The following GAS2L2 variants were observed in gnomAD, a reference collection of about 807,000 sequenced individuals.
GAS2L2 encodes the protein GAS2-like protein 2.
In GAS2L2, 21 loss-of-function variants were observed where a neutral mutation model predicts 35.2. The ratio of observed to expected loss-of-function variants is 0.60; its 90% CI spans 0.42 to 0.86. GAS2L2 has a LOEUF of 0.86. GAS2L2 is among the 40% of genes least tolerant of loss of function. The probability of loss-of-function intolerance (pLI) is 0.00; values close to 1 mark genes in which losing one functional copy is unlikely to be tolerated. For synonymous variants in GAS2L2, 490 were observed against 473.2 expected, an observed-to-expected ratio of 1.04 and a Z score of -0.46; for missense variants, 1,169 against 1,144.4, an observed-to-expected ratio of 1.02 and a Z score of -0.31.
Position 35,745,939 on chromosome 17 carries a change from G to C in GAS2L2, c.1558C>G (p.Pro520Ala), listed in dbSNP as rs140293881. The C allele has an allele frequency of 6.2e-7, 1 of 1,610,380 alleles. No homozygotes were observed. The highest frequency in any genetic ancestry group is 8.5e-7 in the Non-Finnish European group (1 of 1,177,876). Residue 520 changes from proline (P) to alanine (A), a missense_variant, in exon 6 of 6, where the codon CCT becomes GCT. Pro to Ala is a conservative substitution (Grantham distance 27, BLOSUM62 -1). Coordinates refer to ENST00000604641, the MANE Select transcript of GAS2L2 (RefSeq NM_139285.4). The part of the protein sequence containing the change: ...ARPPTPGRSF[P>A]GATSGSPRTE... ...CTGGGACTTCCACTTGTAGCACCAG[G>C]AAAGCTCCTTCCTGGTGTTGGGGGG...
Position 35,745,397 on chromosome 17 carries a change from C to T in GAS2L2, c.2100G>A (p.Gln700=). ...GGCTTGCCTTTGTCCTGGGCCCACTCTGTCTGGCTCCCAACTTCCCTTTGA... is the reference window on the plus strand; with the variant it reads ...GGCTTGCCTTTGTCCTGGGCCCACTTTGTCTGGCTCCCAACTTCCCTTTGA... ...GSLKGKLGAR[Q]SGPRTKASLS... The change falls in exon 6 of 6, where the codon CAG becomes CAA. Residue 700 remains glutamine, a synonymous_variant. Transcript: ENST00000604641. 6.3e-7 allele frequency: 1 copy of T among 1,576,300 alleles called. No homozygotes were observed. The highest frequency in any genetic ancestry group is 8.6e-7 in the Non-Finnish European group (1 of 1,160,542).
chr17:35,750,411 T>A, intron 1 of GAS2L2, 93 bp from the exon 2 acceptor site: 1 of 1,523,954 alleles, frequency 6.6e-7, no homozygotes, highest in Non-Finnish European at 9.0e-7. Flanking sequence ...AGGAAAGCAC[T>A]GGGGTCATCC....
In GAS2L2 at chr17:35,744,854, T is replaced by C. The variant is rs1232696236; in HGVS notation, c.2643A>G (p.Ter881TrpextTer3). 1.9e-6 allele frequency: 3 copies of C among 1,575,386 alleles called. No homozygotes were observed. The African/African-American group carries it at 4.1e-5, about 21-fold the overall frequency. The change falls in exon 6 of 6, where the codon TGA (stop) becomes TGG (tryptophan). Residue 881 changes from the stop codon to tryptophan, a stop_lost. Transcript: ENST00000604641. ...CTCCTACCCAACACGCTCATGTGCCTCAGACCCAGGACTCCTCCTCAGGTG... is the reference window on the plus strand; with the variant it reads ...CTCCTACCCAACACGCTCATGTGCCCCAGACCCAGGACTCCTCCTCAGGTG... ...PLPPEEESWV* is the reference protein window; with the variant it reads ...PLPPEEESWVW
In GAS2L2 at chr17:35,746,093, CAGGCACT is replaced by C. The variant is rs781883600; in HGVS notation, c.1397_1403del (p.Glu466GlyfsTer33). Reference sequence around the variant, plus strand: ...CATCCCGGAGTGGCAGCCTGAGGCCCAGGCACTCGGCTGGGCCAAAGGAACGAGGCAG... The same window carrying C: ...CATCCCGGAGTGGCAGCCTGAGGCCCCGGCTGGGCCAAAGGAACGAGGCAG... On this transcript the variant is annotated frameshift_variant, in exon 6 of 6. Coordinates refer to ENST00000604641, the MANE Select transcript of GAS2L2 (RefSeq NM_139285.4). LOFTEE classifies it low-confidence loss of function (END_TRUNC). 5.3e-6 allele frequency: 8 copies of C among 1,517,586 alleles called. No homozygotes were observed. Among genetic ancestry groups the C allele is most frequent in the Non-Finnish European group, 7.1e-6 (8 of 1,133,500 alleles). 94.0% of individuals were successfully genotyped at this position (1,517,586 alleles called of 1,614,324 possible).
rs587726526 is a variant in GAS2L2 at position 35,752,737 on chromosome 17, C to G, written c.114G>C (p.Leu38=). ...EQYLEAMKED[L]AEWLRDLYGL... ...CATAGAGGTCGCGAAGCCACTCAGCCAGGTCTTCCTTCATGGCCTCCAGGT... is the reference window on the plus strand; with the variant it reads ...CATAGAGGTCGCGAAGCCACTCAGCGAGGTCTTCCTTCATGGCCTCCAGGT... Residue 38 remains leucine (L), a synonymous_variant, in exon 1 of 6, where the codon CTG becomes CTC. Transcript: ENST00000604641. 6.2e-7 allele frequency: 1 copy of G among 1,614,016 alleles called. No individual in the cohort carries two copies. Among genetic ancestry groups the G allele is most frequent in the Admixed American group, 1.7e-5 (1 of 60,030 alleles).
chr17:35,745,237 A>G lies in GAS2L2; in HGVS notation c.2260T>C (p.Cys754Arg). The change falls in exon 6 of 6, where the codon TGT becomes CGT. Residue 754 changes from cysteine to arginine, a missense_variant. Physicochemically the swap from Cys to Arg is radical, Grantham distance 180. Coordinates refer to ENST00000604641, the MANE Select transcript of GAS2L2 (RefSeq NM_139285.4). ...LDPNSDKAKA[C>R]LSKGRRTLRK... ...AGAGTTCTCCTGCCCTTGCTCAGAC[A>G]TGCCTTGGCTTTGTCAGAGTTGGGG... The G allele has an allele frequency of 3.7e-6, 6 of 1,605,862 alleles. No individual in the cohort carries two copies. The highest frequency in any genetic ancestry group is 5.1e-6 in the Non-Finnish European group (6 of 1,174,854).
In GAS2L2 at chr17:35,745,581, C is replaced by A. The variant is rs1555598790; in HGVS notation, c.1916G>T (p.Arg639Met). 1 of 1,613,884 alleles carries A rather than the reference C, an allele frequency of 6.2e-7. No homozygotes were observed. Among genetic ancestry groups the A allele is most frequent in the Admixed American group, 1.7e-5 (1 of 60,034 alleles). Residue 639 changes from arginine (R) to methionine (M), a missense_variant, in exon 6 of 6, where the codon AGG becomes ATG. Arg to Met is a moderately conservative substitution (Grantham distance 91). Coordinates refer to ENST00000604641, the MANE Select transcript of GAS2L2 (RefSeq NM_139285.4). ...AGGCTCAGGCCACTGCCCAGCCAGC[C>A]TGGGGATGTAGACCCCACTGCGAGG... ...VIPRSGVYIPRLAGQWPEPGG... is the reference protein window; with the variant it reads ...VIPRSGVYIPMLAGQWPEPGG...
Position 35,749,493 on chromosome 17 carries a change from T to A in GAS2L2, c.628-276A>T, listed in dbSNP as rs587749765. On this transcript the variant is annotated intron_variant, in intron 2 of 5. Coordinates refer to ENST00000604641, the MANE Select transcript of GAS2L2 (RefSeq NM_139285.4). ...CTGACAGGCTCAGGTCAGTGCCCTG[T>A]ATCCACTGCATCATAGGCTTTTCAT... is the stretch of plus-strand genomic sequence containing the variant. Among the ~76,000 whole-genome samples, 4 of 152,334 alleles carry A rather than the reference T, an allele frequency of 2.6e-5. No individual in the cohort carries two copies. In the South Asian group the frequency reaches 8.3e-4, roughly 32 times the overall value.
intron 5 of GAS2L2, among the ~76,000 whole-genome samples, 154 bp from the exon 6 acceptor site, chr17:35,746,565 C>T (rs909116845): frequency 6.6e-6 from 1 of 152,162 alleles, no homozygotes; most frequent in African/African-American, 2.4e-5. Context: ...GCTCCCTCTC[C>T]TCCGTGACTG....
At chr17:35,749,618 T>C (rs937535220) in intron 2 of GAS2L2, among the ~76,000 whole-genome samples, 2 of 152,200 alleles carry the variant, frequency 1.3e-5, no homozygotes, top group Non-Finnish European at 2.9e-5. Flanking sequence ...AAACACTTTG[T>C]ATGTGCTGGC....
chr17:35,748,804 G>A (rs968808239), intron 3 of GAS2L2, among the ~76,000 whole-genome samples: 3 of 152,212 alleles, frequency 2.0e-5, no homozygotes, highest in Non-Finnish European at 4.4e-5. Flanking sequence ...TTAGGCTACA[G>A]TGGAGGAGAG....
intron 4 of GAS2L2, 118 bp from the exon 5 acceptor site, chr17:35,747,386 C>T: frequency 8.5e-7 from 1 of 1,181,456 alleles, no homozygotes; most frequent in South Asian, 1.6e-5. Flanking sequence ...AACAGTGGGA[C>T]CTACAGTGGC....
rs2143021214 is a variant in GAS2L2, at chr17:35,744,853, C to G, written c.*1G>C. On this transcript the variant is annotated 3_prime_UTR_variant, in exon 6 of 6. Transcript: ENST00000604641. The stretch of plus-strand genomic sequence containing the variant: ...CCTCCTACCCAACACGCTCATGTGC[C>G]TCAGACCCAGGACTCCTCCTCAGGT... 1 of 1,574,576 alleles carries G rather than the reference C, an allele frequency of 6.4e-7. No individual in the cohort carries two copies. The highest frequency in any genetic ancestry group is 1.7e-4 in the Middle Eastern group (1 of 6,006).
chr17:35,744,749 C>T lies in GAS2L2; in HGVS notation c.*105G>A. 1 of 879,742 alleles carries T rather than the reference C, an allele frequency of 1.1e-6. No individual in the cohort carries two copies. Among genetic ancestry groups the T allele is most frequent in the Non-Finnish European group, 1.7e-6 (1 of 573,208 alleles). 54.5% of individuals were successfully genotyped at this position (879,742 alleles called of 1,614,324 possible). ...CTTCTGACCCACTCCTGCCCAAGGCCCTGTGTGGAGGTGAGGGAACATCCC... is the reference window on the plus strand; with the variant it reads ...CTTCTGACCCACTCCTGCCCAAGGCTCTGTGTGGAGGTGAGGGAACATCCC... On this transcript the variant is annotated 3_prime_UTR_variant, in exon 6 of 6. Coordinates refer to ENST00000604641, the MANE Select transcript of GAS2L2 (RefSeq NM_139285.4).
At position 35,752,881 on chromosome 17, in the gene GAS2L2, A is replaced by T. The variant is rs1598397471; in HGVS notation, c.-31T>A. ...GACCCCAGCAGGGCAGGAGGTGGGC[A>T]CCTCCCCTCTCCCACTGCCGCCTCT... On this transcript the variant is annotated 5_prime_UTR_variant, in exon 1 of 6. Coordinates refer to ENST00000604641, the MANE Select transcript of GAS2L2 (RefSeq NM_139285.4). 1 of 1,536,674 alleles carries T rather than the reference A, an allele frequency of 6.5e-7. No homozygotes were observed. Among genetic ancestry groups the T allele is most frequent in the Admixed American group, 1.8e-5 (1 of 54,736 alleles).
At chr17:35,747,298 G>A in intron 4 of GAS2L2, 30 bp from the exon 5 acceptor site, 1 of 1,582,424 alleles carries the variant, frequency 6.3e-7, no homozygotes, top group Non-Finnish European at 8.6e-7. Flanking sequence ...GAAAGGAGAG[G>A]AGAGAAGGGT....
rs1447257585 is a variant in GAS2L2, at chr17:35,747,853, G to A, written c.828C>T (p.Ser276=). The stretch of plus-strand genomic sequence containing the variant: ...GAGGGCCCTCAGGGGACTCACAGAG[G>A]GATGTGCAGCGGCAGGGGTCATGTT... ...LDKHDPCRCT[S]LSHKPGSFLK... The change falls in exon 4 of 6, where the codon TCC becomes TCT. Residue 276 remains serine (S), a synonymous_variant. Coordinates refer to ENST00000604641, the MANE Select transcript of GAS2L2 (RefSeq NM_139285.4). 1.9e-6 allele frequency: 3 copies of A among 1,613,676 alleles called. No homozygotes were observed. The highest frequency in any genetic ancestry group is 2.5e-6 in the Non-Finnish European group (3 of 1,179,662).
chr17:35,751,725 C>A (rs902614135), intron 1 of GAS2L2, among the ~76,000 whole-genome samples: 1 of 151,808 alleles, frequency 6.6e-6, no homozygotes, highest in Non-Finnish European at 1.5e-5. Context: ...ACTTTCTCGG[C>A]CCCATTCCAC....
Position 35,753,007 on chromosome 17 carries a change from T to C in GAS2L2, c.-157A>G. On this transcript the variant is annotated 5_prime_UTR_variant, in exon 1 of 6. Coordinates refer to ENST00000604641, the MANE Select transcript of GAS2L2 (RefSeq NM_139285.4). ...GACCTCCAGTGCTGCTACTTGCCAC[T>C]GGCTTCAGCTGCCAGGCCTGGCCCA... The C allele has an allele frequency of 1.3e-6, 1 of 751,532 alleles. No homozygotes were observed. The highest frequency in any genetic ancestry group is 2.1e-6 in the Non-Finnish European group (1 of 478,220). The allele number at this position is 751,532 out of a possible 1,614,324, so 46.6% of individuals were successfully genotyped here.
Sources: gnomAD v4.1 joint callset for allele counts (sites outside exome capture counted in the v4.1 genomes callset) on GRCh38, gnomAD v4.1.1 for gene constraint, MANE v1.5 for transcripts, NCBI Gene and HGNC (gene_info 2026-07-23, HGNC 2026-07-21) for gene names.